The following FGF22 variants were observed in gnomAD, a reference collection of about 807,000 sequenced individuals.
The protein encoded by FGF22 is fibroblast growth factor 22.
In FGF22, 11 loss-of-function variants were observed where a neutral mutation model predicts 10.3. The observed-to-expected ratio is 1.07, with a 90% confidence interval of 0.67 to 1.77. The LOEUF (loss-of-function observed/expected upper bound fraction) is 1.77, where lower values mean the gene tolerates loss of function less well. Among genes scored for constraint, FGF22 ranks in the 40% most tolerant of loss-of-function variants. FGF22 has a pLI of 0.00. For synonymous variants in FGF22, 136 were observed against 122.1 expected, an observed-to-expected ratio of 1.11 and a Z score of -0.75; for missense variants, 317 against 273.2, an observed-to-expected ratio of 1.16 and a Z score of -1.13.
At chr19:641,045 C>G (rs1476765079) in intron 1 of FGF22, 1 of 390,940 alleles carries the variant, frequency 2.6e-6, no homozygotes, top group South Asian at 1.8e-5. Context: ...TGACCTGGAA[C>G]AGTCTCTGCC....
At chr19:641,298 C>T (rs1438800701) in intron 1 of FGF22, 14 of 453,988 alleles carry the variant, frequency 3.1e-5, no homozygotes, top group South Asian at 9.3e-5. Flanking sequence ...AACGGTTGGC[C>T]GGGTGCAGTG....
chr19:639,912 C>A, exon 1 of FGF22: 1 of 1,211,878 alleles, frequency 8.3e-7, no homozygotes, highest in Non-Finnish European at 1.0e-6. Context: ...GCGCAGCGAA[C>A]CGGGTGCCGG....
At chr19:641,573 TCAAAAA>T (rs1568183846) in intron 1 of FGF22, 1 of 64,538 alleles carries the variant, frequency 1.5e-5, no homozygotes, top group Non-Finnish European at 3.0e-5. Flanking sequence ...AGACTCCGTC[TCAAAAA>T]AAAAAAAAAA....
intron 1 of FGF22, among the ~76,000 whole-genome samples, chr19:642,190 TGGGCCGGGCAGCTGAGCTGTGA>T: frequency 6.6e-6 from 1 of 152,078 alleles, no homozygotes; most frequent in East Asian, 1.9e-4. Flanking sequence ...TGACTGTGCG[TGGGCCGGGCAGCTGAGCTGTGA>T]GGGCCGGGCT....
chr19:643,814 G>A (rs556466037), exon 3 of FGF22: 132 of 571,714 alleles, frequency 2.3e-4, no homozygotes, highest in Non-Finnish European at 3.7e-4. Flanking sequence ...GGACCTCGAG[G>A]ACCCAACAGG....
chr19:644,366 G>A (rs1387570477), exon 3 of FGF22: 1 of 152,306 alleles, frequency 6.6e-6, no homozygotes, highest in Non-Finnish European at 1.5e-5. Context: ...AACGTAGTAA[G>A]CCATCAACTT....
intron 1 of FGF22, chr19:641,671 G>C (rs916441098): frequency 5.3e-6 from 1 of 189,532 alleles, no homozygotes; most frequent in African/African-American, 2.3e-5. Flanking sequence ...CACCTTGCCA[G>C]GGGAGGGGAG....
chr19:643,482 C>T (rs1338288913), exon 3 of FGF22: 16 of 1,610,950 alleles, frequency 9.9e-6, no homozygotes, highest in Admixed American at 3.3e-5. Context: ...CGCCTCACAG[C>T]GCTGGCGCCG....
chr19:641,507 G>A (rs1270232874), intron 1 of FGF22: 3 of 312,322 alleles, frequency 9.6e-6, no homozygotes, highest in African/African-American at 6.5e-5. Context: ...GCCGGGAGGT[G>A]GAGCTTGCAG....
exon 3 of FGF22, chr19:643,427 C>G (rs1165810457): frequency 6.2e-7 from 1 of 1,611,398 alleles, no homozygotes; most frequent in South Asian, 1.1e-5. Flanking sequence ...ACACCGTGGA[C>G]TGCAGGTTCC....
chr19:643,809 T>C, exon 3 of FGF22: 1 of 573,604 alleles, frequency 1.7e-6, no homozygotes. Flanking sequence ...GTTGGGGACC[T>C]CGAGGACCCA....
At chr19:641,656 G>A (rs1031621536) in intron 1 of FGF22, 5 of 190,704 alleles carry the variant, frequency 2.6e-5, no homozygotes, top group Non-Finnish European at 4.5e-5. Context: ...GGCGGTGTTG[G>A]GAGGCACCTT....
intron 1 of FGF22, among the ~76,000 whole-genome samples, chr19:643,007 G>A (rs781595395): frequency 1.3e-5 from 1 of 75,180 alleles, no homozygotes; most frequent in Non-Finnish European, 2.8e-5. Context: ...CCTGCTTCCC[G>A]TTCCCTCTGC....
At chr19:643,452 G>A (rs747640110) in exon 3 of FGF22, 7 of 1,611,552 alleles carry the variant, frequency 4.3e-6, no homozygotes, top group Non-Finnish European at 8.5e-7. Context: ...GCGCATCGAA[G>A]AGAACGGCCA....
chr19:644,144 A>G (rs4919875), exon 3 of FGF22: 143,597 of 159,442 alleles, frequency 0.9, 64,814 homozygotes, highest in East Asian at 1. Flanking sequence ...GAGGCGGGAC[A>G]GTGAGAGCCA....
intron 1 of FGF22, chr19:640,743 G>A: frequency 5.2e-6 from 1 of 190,874 alleles, no homozygotes; most frequent in Admixed American, 5.4e-5. Context: ...AGCAAGAGGA[G>A]AGGCTGGGCA....
chr19:639,948 G>C, exon 1 of FGF22: 1 of 1,245,750 alleles, frequency 8.0e-7, no homozygotes, highest in Non-Finnish European at 1.0e-6. Context: ...CTGTGGCTGG[G>C]CCTGGCCTGG....
rs184409231 is a variant in FGF22, at chr19:644,024, A to C, written c.*420A>C. ...AGCCGGTCCCGTCCCGGGAATCTGC[A>C]AATACAACGCCTTGCGAGGACAAAG... On this transcript the variant is annotated 3_prime_UTR_variant, in exon 3 of 3. Transcript: ENST00000215530. 7.9e-4 allele frequency: 176 copies of C among 224,158 alleles called. 1 individual carries two copies. The highest frequency in any genetic ancestry group is 6.0e-4 in the Non-Finnish European group (69 of 114,944). The allele number at this position is 224,158 out of a possible 1,614,324, so 13.9% of individuals were successfully genotyped here. A position where few individuals can be genotyped will look rare whatever the true frequency, so the allele number is the denominator to read the frequency against.
At chr19:640,136 G>A in exon 1 of FGF22, 4 of 1,316,338 alleles carry the variant, frequency 3.0e-6, no homozygotes, top group Non-Finnish European at 2.9e-6. Context: ...CCACGGCCAG[G>A]ACAGTGAGTG....
Sources: allele counts gnomAD v4.1 joint callset (sites outside exome capture counted in the v4.1 genomes callset), GRCh38; gene constraint gnomAD v4.1.1; transcripts MANE v1.5; gene names NCBI Gene and HGNC (gene_info 2026-07-23, HGNC 2026-07-21).